ZNG1E: variants seen among roughly 807,000 people sequenced by gnomAD.
ZNG1E encodes the protein Zn regulated GTPase metalloprotein activator 1E.
the ZNG1E span, among the ~76,000 whole-genome samples, chr9:65,661,386 GC>G: frequency 1.3e-5 from 2 of 150,702 alleles, no homozygotes; most frequent in Non-Finnish European, 3.0e-5. Flanking sequence ...AATCAAAATT[GC>G]TTTGTGCTTA....
chr9:65,707,893 A>C, the ZNG1E span: 4 of 130,046 alleles, frequency 3.1e-5, no homozygotes, highest in Non-Finnish European at 3.2e-5. Flanking sequence ...GCGGAGTCTC[A>C]CTCTGTGCCA....
At chr9:65,659,682 T>C in the ZNG1E span, among the ~76,000 whole-genome samples, 1 of 152,192 alleles carries the variant, frequency 6.6e-6, no homozygotes, top group Admixed American at 6.6e-5. Context: ...ACTTCTAGTC[T>C]GAGACAATTA....
the ZNG1E span, among the ~76,000 whole-genome samples, chr9:65,714,372 C>A: frequency 6.6e-6 from 1 of 151,638 alleles, no homozygotes; most frequent in African/African-American, 2.4e-5. Context: ...AGTCATTCTC[C>A]GTCCAGCTTT....
At chr9:65,720,950 T>A in the ZNG1E span, among the ~76,000 whole-genome samples, 415 of 135,376 alleles carry the variant, frequency 3.1e-3, no homozygotes, top group East Asian at 4.7e-3. Flanking sequence ...GAAATACAAG[T>A]CCTTGGAGAT....
At chr9:65,667,019 C>T in the ZNG1E span, among the ~76,000 whole-genome samples, 1 of 152,212 alleles carries the variant, frequency 6.6e-6, no homozygotes, top group Non-Finnish European at 1.5e-5. Context: ...CACGGTTTCA[C>T]CATGTCGGTC....
At chr9:65,720,972 TAAA>T in the ZNG1E span, among the ~76,000 whole-genome samples, 18 of 138,784 alleles carry the variant, frequency 1.3e-4, no homozygotes, top group South Asian at 1.1e-3. Flanking sequence ...GAATTTATGG[TAAA>T]AAAAAAAAAA....
the ZNG1E span, among the ~76,000 whole-genome samples, chr9:65,727,364 A>G: frequency 6.8e-6 from 1 of 146,596 alleles, no homozygotes; most frequent in African/African-American, 2.7e-5. Flanking sequence ...TATACAGGCA[A>G]CAAATAGCAT....
At chr9:65,657,446 T>C in the ZNG1E span, among the ~76,000 whole-genome samples, 2 of 152,272 alleles carry the variant, frequency 1.3e-5, no homozygotes, top group African/African-American at 4.8e-5. Flanking sequence ...GAGGACCTTA[T>C]GTTAAGTGAA....
the ZNG1E span, among the ~76,000 whole-genome samples, chr9:65,671,662 C>G: frequency 2.0e-5 from 3 of 152,148 alleles, no homozygotes; most frequent in African/African-American, 2.4e-5. Context: ...CTTTGGGTTA[C>G]TTTTCTGTAA....
the ZNG1E span, among the ~76,000 whole-genome samples, chr9:65,672,633 A>G: frequency 6.6e-6 from 1 of 151,306 alleles, no homozygotes; most frequent in South Asian, 2.1e-4. Flanking sequence ...AATCCCAGCT[A>G]CTCAGGAAGC....
the ZNG1E span, among the ~76,000 whole-genome samples, chr9:65,665,162 T>C: frequency 6.6e-6 from 1 of 152,284 alleles, no homozygotes; most frequent in South Asian, 2.1e-4. Flanking sequence ...AGGAGCTGAA[T>C]GTTAATCCCC....
the ZNG1E span, among the ~76,000 whole-genome samples, chr9:65,714,127 CT>C: frequency 6.7e-6 from 1 of 149,256 alleles, no homozygotes; most frequent in Admixed American, 6.7e-5. Context: ...CGCTGATACC[CT>C]TTCTTCCAGT....
At chr9:65,691,308 C>T in the ZNG1E span, among the ~76,000 whole-genome samples, 114 of 150,474 alleles carry the variant, frequency 7.6e-4, no homozygotes, top group Non-Finnish European at 1.4e-3. Context: ...GTCTTGAACC[C>T]CTGACTTCAG....
the ZNG1E span, among the ~76,000 whole-genome samples, chr9:65,724,741 C>T: frequency 2.1e-5 from 2 of 93,510 alleles, no homozygotes; most frequent in African/African-American, 8.5e-5. Context: ...CATTAAAATA[C>T]ATTTTAAACA....
chr9:65,722,615 C>T, the ZNG1E span, among the ~76,000 whole-genome samples: 1 of 73,564 alleles, frequency 1.4e-5, no homozygotes, highest in Non-Finnish European at 2.4e-5. Flanking sequence ...ACTGCAACTT[C>T]CTCCTTCTAG....
the ZNG1E span, among the ~76,000 whole-genome samples, chr9:65,714,752 C>A: frequency 1.3e-5 from 2 of 151,470 alleles, no homozygotes; most frequent in East Asian, 3.9e-4. Flanking sequence ...GCAGTCTGCC[C>A]GTTCTCAGAT....
chr9:65,691,478 A>G, the ZNG1E span, among the ~76,000 whole-genome samples: 4 of 152,156 alleles, frequency 2.6e-5, no homozygotes, highest in Non-Finnish European at 4.4e-5. Context: ...TTCACACTTT[A>G]GTTTAATGAT....
chr9:65,716,329 T>G, the ZNG1E span, among the ~76,000 whole-genome samples: 1 of 146,690 alleles, frequency 6.8e-6, no homozygotes, highest in African/African-American at 2.6e-5. Flanking sequence ...TAATTTTTTT[T>G]TAATTTTCTG....
the ZNG1E span, chr9:65,720,000 G>A: frequency 1.3e-6 from 2 of 1,598,088 alleles, no homozygotes; most frequent in South Asian, 2.2e-5. Flanking sequence ...AGTTAAATCA[G>A]AAGTGTATTA....
Sources: allele counts gnomAD v4.1 joint callset (sites outside exome capture counted in the v4.1 genomes callset), GRCh38; gene constraint gnomAD v4.1.1; transcripts MANE v1.5; gene names NCBI Gene and HGNC (gene_info 2026-07-23, HGNC 2026-07-21).